DLC1: variants seen among roughly 807,000 people sequenced by gnomAD.
DLC1 encodes rho GTPase-activating protein 7.
A neutral mutation model predicts 140.3 loss-of-function variants in DLC1; 54 were observed. The observed-to-expected ratio is 0.38, with a 90% CI of 0.31 to 0.48. The LOEUF (loss-of-function observed/expected upper bound fraction) is 0.48, where lower values mean the gene tolerates loss of function less well. DLC1 is among the 20% of genes least tolerant of loss of function. The pLI, the probability that DLC1 is intolerant of heterozygous loss-of-function variation, is 0.96. For missense variants in DLC1, 2,536 were observed against 1,907.0 expected, an observed-to-expected ratio of 1.33 and a Z score of -6.14; for synonymous variants, 986 against 728.1, an observed-to-expected ratio of 1.35 and a Z score of -5.70.
chr8:13,138,279 T>TAACAAGAG (rs1364051114), intron 5 of DLC1, among the ~76,000 whole-genome samples: 11 of 152,186 alleles, frequency 7.2e-5, no homozygotes, highest in African/African-American at 2.2e-4. Context: ...TGTTGACCTG[T>TAACAAGAG]CTTAACAAGA....
chr8:13,228,506 G>A (rs1461973554), intron 5 of DLC1, among the ~76,000 whole-genome samples: 1 of 152,182 alleles, frequency 6.6e-6, no homozygotes, highest in Non-Finnish European at 1.5e-5. Context: ...ACTTTGGGAG[G>A]CTGAGGTGGG....
intron 5 of DLC1, among the ~76,000 whole-genome samples, chr8:13,212,293 C>T (rs1827984573): frequency 6.6e-6 from 1 of 152,132 alleles, no homozygotes; most frequent in Admixed American, 6.6e-5. Flanking sequence ...CTGATCTTCC[C>T]CTACACTATG....
chr8:13,227,072 C>G (rs1032885218), intron 5 of DLC1, among the ~76,000 whole-genome samples: 5 of 152,078 alleles, frequency 3.3e-5, no homozygotes, highest in African/African-American at 1.2e-4. Flanking sequence ...GACCACTGAG[C>G]TTATTCTGAA....
chr8:13,087,135 C>G (rs993742627), intron 16 of DLC1, among the ~76,000 whole-genome samples: 17 of 152,088 alleles, frequency 1.1e-4, no homozygotes, highest in Non-Finnish European at 5.9e-5. Context: ...GGTGGGTGGC[C>G]CATGCCTGTA....
chr8:13,407,073 G>C (rs1029132875), intron 2 of DLC1, among the ~76,000 whole-genome samples: 1 of 152,142 alleles, frequency 6.6e-6, no homozygotes, highest in South Asian at 2.1e-4. Context: ...TCAGACATAG[G>C]TCAATAGATA....
chr8:13,273,188 A>G (rs1831016245), intron 5 of DLC1, among the ~76,000 whole-genome samples: 1 of 152,222 alleles, frequency 6.6e-6, no homozygotes, highest in African/African-American at 2.4e-5. Flanking sequence ...ACTGCCCTTC[A>G]GGAATGTGAT....
At chr8:13,542,583 A>G (rs2117334720) in intron 1 of DLC1, among the ~76,000 whole-genome samples, 1 of 152,264 alleles carries the variant, frequency 6.6e-6, no homozygotes, top group Admixed American at 6.5e-5. Context: ...ATCGAGATTG[A>G]TCAAATGTCA....
chr8:13,380,060 C>G (rs1836181156), intron 4 of DLC1, among the ~76,000 whole-genome samples: 1 of 152,124 alleles, frequency 6.6e-6, no homozygotes, highest in African/African-American at 2.4e-5. Context: ...GGCCAGGCAC[C>G]ATTCATTCCT....
chr8:13,442,738 A>G (rs543261945), intron 2 of DLC1, among the ~76,000 whole-genome samples: 15 of 152,344 alleles, frequency 9.8e-5, no homozygotes, highest in Admixed American at 3.3e-4. Context: ...ATATAGGAAC[A>G]CTTTTACACT....
chr8:13,257,540 T>G (rs1203394143), intron 5 of DLC1, among the ~76,000 whole-genome samples: 1 of 152,104 alleles, frequency 6.6e-6, no homozygotes, highest in African/African-American at 2.4e-5. Flanking sequence ...TATAATCTAT[T>G]TTATACGTGT....
rs796281094 is a variant in DLC1 at position 13,506,595 on chromosome 8, A to ATATACACGTG, written c.-125-6400_-125-6399insCACGTGTATA. 1.2e-4 allele frequency among the ~76,000 whole-genome samples: 16 copies of ATATACACGTG among 129,820 alleles called. No individual in the cohort carries two copies. The Admixed American group carries it at 1.3e-3, about 10-fold the overall frequency. The allele number at this position is 129,820 out of a possible 152,430, so 85.2% of individuals were successfully genotyped here. On this transcript the variant is annotated intron_variant, in intron 1 of 17. Coordinates refer to ENST00000276297, the MANE Select transcript of DLC1 (RefSeq NM_182643.3). ...TGTGTGTGTGTGTATATATATATATATATATATATATATACACATATATAT... is the reference window on the plus strand; with the variant it reads ...TGTGTGTGTGTGTATATATATATATATATACACGTGTATATATATATATACACATATATAT...
intron 2 of DLC1, among the ~76,000 whole-genome samples, chr8:13,440,769 A>T (rs1798470964): frequency 6.6e-6 from 1 of 152,066 alleles, no homozygotes; most frequent in Admixed American, 6.6e-5. Context: ...ACGAGATCTG[A>T]AGGGTTTATC....
intron 14 of DLC1, 60 bp from the exon 15 acceptor site, chr8:13,090,530 CA>C: frequency 6.3e-7 from 1 of 1,581,534 alleles, no homozygotes; most frequent in Non-Finnish European, 8.6e-7. Context: ...TCTCAATGCC[CA>C]TCAGTGGAAA....
At chr8:13,317,460 A>C (rs1354116462) in intron 4 of DLC1, among the ~76,000 whole-genome samples, 2 of 152,234 alleles carry the variant, frequency 1.3e-5, no homozygotes, top group African/African-American at 4.8e-5. Context: ...CATTTTACAA[A>C]ACATATCTTC....
At chr8:13,601,957 T>G (rs562894940) in intron 1 of DLC1, among the ~76,000 whole-genome samples, 81 of 151,904 alleles carry the variant, frequency 5.3e-4, no homozygotes, top group African/African-American at 1.9e-3. Flanking sequence ...CATTTCCAAT[T>G]AAAATATATG....
intron 5 of DLC1, among the ~76,000 whole-genome samples, chr8:13,211,711 G>A (rs1271755014): frequency 1.3e-5 from 2 of 152,138 alleles, no homozygotes; most frequent in African/African-American, 2.4e-5. Flanking sequence ...GGATTTGGTA[G>A]GTGAAAATGT....
intron 1 of DLC1, among the ~76,000 whole-genome samples, chr8:13,513,400 T>C (rs1010060662): frequency 6.6e-6 from 1 of 152,152 alleles, no homozygotes; most frequent in African/African-American, 2.4e-5. Context: ...AATTTATCAA[T>C]ATAAGTTATT....
intron 1 of DLC1, among the ~76,000 whole-genome samples, chr8:13,595,770 C>T (rs537194955): frequency 1.3e-5 from 2 of 152,090 alleles, no homozygotes; most frequent in Admixed American, 6.5e-5. Context: ...TATTGCATTG[C>T]ATTATCTTAA....
intron 2 of DLC1, among the ~76,000 whole-genome samples, chr8:13,468,429 G>A (rs72603973): frequency 0.081 from 11,258 of 138,568 alleles, 562 homozygotes; most frequent in East Asian, 0.18. Flanking sequence ...ATCCCAGGCC[G>A]GAGTATGGTG....
Sources: gnomAD v4.1 joint callset for allele counts (sites outside exome capture counted in the v4.1 genomes callset) on GRCh38, gnomAD v4.1.1 for gene constraint, MANE v1.5 for transcripts, NCBI Gene and HGNC (gene_info 2026-07-23, HGNC 2026-07-21) for gene names.